Variants in KALRN observed in about 807,000 individuals in gnomAD.
KALRN encodes kalirin.
In KALRN, 70 loss-of-function variants were observed where a neutral mutation model predicts 353.7. The ratio of observed to expected loss-of-function variants is 0.20; its 90% CI spans 0.16 to 0.24. KALRN has a LOEUF of 0.24. Ranked by LOEUF, KALRN falls within the 10% of genes least tolerant of loss-of-function variation. KALRN has a pLI of 1.00. For missense variants in KALRN, 2,791 were observed against 3,756.7 expected (o/e 0.74, Z 6.72); for synonymous variants, 1,391 against 1,434.8 (o/e 0.97, Z 0.69).
chr3:124,153,379 G>A (rs909824859), intron 1 of KALRN, among the ~76,000 whole-genome samples: 6 of 149,450 alleles, frequency 4.0e-5, no homozygotes, highest in African/African-American at 1.5e-4. Flanking sequence ...TTCGTTTTTT[G>A]TCCTTGCGAT....
chr3:124,330,158 T>C (rs772015577), intron 8 of KALRN, among the ~76,000 whole-genome samples, 166 bp downstream of exon 8: 7 of 151,890 alleles, frequency 4.6e-5, no homozygotes, highest in Non-Finnish European at 7.4e-5. Context: ...CTATGAACTA[T>C]GGTGTCTCCA....
At chr3:124,194,219 G>A (rs2075216230) in intron 1 of KALRN, among the ~76,000 whole-genome samples, 1 of 152,202 alleles carries the variant, frequency 6.6e-6, no homozygotes, top group Non-Finnish European at 1.5e-5. Flanking sequence ...TAATAAAAGA[G>A]CAGAAGAGGG....
At chr3:124,390,001 AT>A (rs2089098364) in intron 11 of KALRN, among the ~76,000 whole-genome samples, 1 of 152,250 alleles carries the variant, frequency 6.6e-6, no homozygotes, top group Admixed American at 6.5e-5. Context: ...TTTCTTATAC[AT>A]CCAGAGCCTC....
chr3:124,215,816 A>G (rs539264681), intron 1 of KALRN, among the ~76,000 whole-genome samples: 61 of 152,328 alleles, frequency 4.0e-4, no homozygotes, highest in Non-Finnish European at 7.6e-4. Flanking sequence ...AGTAATGGCC[A>G]GGTGTGTCCT....
intron 6 of KALRN, among the ~76,000 whole-genome samples, chr3:124,309,665 A>G (rs1243303146): frequency 3.9e-5 from 6 of 152,008 alleles, no homozygotes; most frequent in Admixed American, 1.3e-4. Context: ...TAACTTCAGT[A>G]GGAAAAAAAA....
At chr3:124,169,623 A>C (rs912995562) in intron 1 of KALRN, among the ~76,000 whole-genome samples, 1 of 152,034 alleles carries the variant, frequency 6.6e-6, no homozygotes, top group Non-Finnish European at 1.5e-5. Context: ...TGTCCAGTGA[A>C]ATGTTGTGCC....
chr3:124,298,650 A>T, intron 5 of KALRN, 141 bp from the exon 6 acceptor site: 2 of 963,362 alleles, frequency 2.1e-6, no homozygotes, highest in Non-Finnish European at 3.2e-6. Context: ...CCACCCCATT[A>T]AGACCCCGAG....
intron 37 of KALRN, among the ~76,000 whole-genome samples, chr3:124,642,806 G>GTTGTTTTTTTGTTGTTGTTTTTTTT (rs796628603): frequency 1.0e-5 from 1 of 96,840 alleles, no homozygotes; most frequent in African/African-American, 4.5e-5. Context: ...CCCAAGCCTC[G>GTTGTTTTTTTGTTGTTGTTTTTTTT]TTTTTTTTTT....
At position 124,480,608 on chromosome 3, in the gene KALRN, G is replaced by A. The variant is rs564259666; in HGVS notation, c.4192-2200G>A. The stretch of plus-strand genomic sequence containing the variant: ...ATGAATTCAGTGTTTTTGTGTGTGC[G>A]CTGACAGGTATGTGCAACCATCCCT... On this transcript the variant is annotated intron_variant, in intron 27 of 59. Coordinates refer to ENST00000682506, the MANE Select transcript of KALRN (RefSeq NM_001388419.1). Among the ~76,000 whole-genome samples the A allele has an allele frequency of 4.4e-4, 67 of 152,176 alleles. 1 individual carries two copies. The South Asian group carries it at 0.013, about 29-fold the overall frequency.
At position 124,264,677 on chromosome 3, in the gene KALRN, A is replaced by C; in HGVS notation, c.443A>C (p.Lys148Thr). ...QKQKTNFGSS[K>T]FIFETSMVSV... is the part of the protein sequence containing the mutation. ...CAGAAGACCAACTTTGGCAGCTCCA[A>C]ATTCATCTTTGAGGTGAGCCAGATT... The change falls in exon 4 of 60, where the codon AAA becomes ACA. Residue 148 changes from lysine (K) to threonine (T), a missense_variant. By Grantham distance (78) the Lys-to-Thr change is moderately conservative. Transcript: ENST00000682506. The C allele has an allele frequency of 6.2e-7, 1 of 1,614,048 alleles. No homozygotes were observed. The highest frequency in any genetic ancestry group is 8.5e-7 in the Non-Finnish European group (1 of 1,179,952).
At chr3:124,065,884 T>C (rs968583425) in intron 1 of KALRN, among the ~76,000 whole-genome samples, 3 of 152,206 alleles carry the variant, frequency 2.0e-5, no homozygotes, top group African/African-American at 7.2e-5. Flanking sequence ...CTCAGGAAGT[T>C]GAGATTTCAA....
chr3:124,061,664 T>A lies in KALRN; in HGVS notation c.73+27851T>A, dbSNP rs556138801. Among the ~76,000 whole-genome samples, 26 of 152,338 alleles carry A rather than the reference T, an allele frequency of 1.7e-4. No homozygotes were observed. The South Asian group carries it at 5.2e-3, about 30-fold the overall frequency. ...TTTTCAAGAACAGTATGTGGCTACA[T>A]CATTTTAAATCCCCAATTTTCATCA... On this transcript the variant is annotated intron_variant, in intron 1 of 59. Transcript: ENST00000682506.
At chr3:124,235,443 A>T (rs1344117745) in intron 3 of KALRN, among the ~76,000 whole-genome samples, 2 of 152,172 alleles carry the variant, frequency 1.3e-5, no homozygotes, top group Non-Finnish European at 2.9e-5. Context: ...AGTGTGAGAA[A>T]CACTGGTCTA....
rs192281713 is a variant in KALRN, at chr3:124,461,130, T to A, written c.3855-760T>A. ...TATGGTCTATAAACTAAAAATTATC[T>A]TTTATATTTTTAAATAATTGGAAGA... On this transcript the variant is annotated intron_variant, in intron 23 of 59. Transcript: ENST00000682506. 1.9e-4 allele frequency among the ~76,000 whole-genome samples: 29 copies of A among 152,342 alleles called. No individual in the cohort carries two copies. In the East Asian group the frequency reaches 5.6e-3, roughly 29 times the overall value.
At chr3:124,106,751 A>G (rs1190643354) in intron 1 of KALRN, among the ~76,000 whole-genome samples, 1 of 152,190 alleles carries the variant, frequency 6.6e-6, no homozygotes, top group Non-Finnish European at 1.5e-5. Context: ...CTGAGCCTGG[A>G]TGTGAAGCCA....
At chr3:124,498,097 G>C (rs1327264487) in intron 33 of KALRN, among the ~76,000 whole-genome samples, 1 of 152,180 alleles carries the variant, frequency 6.6e-6, no homozygotes, top group Non-Finnish European at 1.5e-5. Flanking sequence ...AATTCTAGTA[G>C]TTAGTGGGAA....
intron 33 of KALRN, among the ~76,000 whole-genome samples, chr3:124,496,888 T>G (rs901537022): frequency 2.0e-5 from 3 of 152,186 alleles, no homozygotes; most frequent in African/African-American, 7.2e-5. Context: ...GCCACAGAGA[T>G]GCTGTTTGGT....
intron 14 of KALRN, among the ~76,000 whole-genome samples, chr3:124,414,468 A>G (rs1297119767): frequency 6.6e-6 from 1 of 152,262 alleles, no homozygotes; most frequent in East Asian, 1.9e-4. Flanking sequence ...ATAAACAGTG[A>G]TGATAAAAAT....
chr3:124,383,388 T>C (rs2087712591), intron 10 of KALRN, among the ~76,000 whole-genome samples: 1 of 152,252 alleles, frequency 6.6e-6, no homozygotes, highest in African/African-American at 2.4e-5. Context: ...GCTAGACATT[T>C]GAGATCAAAG....
Sources: allele counts gnomAD v4.1 joint callset (sites outside exome capture counted in the v4.1 genomes callset), GRCh38; gene constraint gnomAD v4.1.1; transcripts MANE v1.5; gene names NCBI Gene and HGNC (gene_info 2026-07-23, HGNC 2026-07-21).